AGFG1: variants seen among roughly 807,000 people sequenced by gnomAD.
The protein encoded by AGFG1 is arf-GAP domain and FG repeat-containing protein 1.
In AGFG1, 10 loss-of-function variants were observed where a neutral mutation model predicts 60.6. That is an observed-to-expected ratio of 0.16 (90% CI 0.10 to 0.28). The LOEUF is 0.28. Among genes scored for constraint, AGFG1 ranks in the 10% least tolerant of loss-of-function variants. The probability of loss-of-function intolerance (pLI) is 1.00; values close to 1 mark genes in which losing one functional copy is unlikely to be tolerated. For missense variants in AGFG1, 537 were observed against 676.5 expected, an observed-to-expected ratio of 0.79 and a Z score of 2.29; for synonymous variants, 247 against 242.9, an observed-to-expected ratio of 1.02 and a Z score of -0.16.
rs1693055794 is a variant in AGFG1 at position 227,558,926 on chromosome 2, T to C, written c.*4431T>C. The C allele has an allele frequency of 6.6e-6, 1 of 152,216 alleles. No individual in the cohort carries two copies. The highest frequency in any genetic ancestry group is 1.5e-5 in the Non-Finnish European group (1 of 68,040). The allele number at this position is 152,216 out of a possible 1,614,324, so 9.4% of individuals were successfully genotyped here. On this transcript the variant is annotated 3_prime_UTR_variant, in exon 13 of 13. Coordinates refer to ENST00000310078, the MANE Select transcript of AGFG1 (RefSeq NM_004504.5). ...AAGGACATACAATTCCACAACTCAT[T>C]AATTAAATGTATTGGTCATTTGATG...
At chr2:227,481,469 C>A (rs911286259) in intron 1 of AGFG1, among the ~76,000 whole-genome samples, 2 of 152,152 alleles carry the variant, frequency 1.3e-5, no homozygotes, top group Non-Finnish European at 2.9e-5. Context: ...TATCCAGTTC[C>A]TTCAGTAAAT....
chr2:227,512,448 T>C (rs1337850312), intron 2 of AGFG1, among the ~76,000 whole-genome samples: 1 of 152,182 alleles, frequency 6.6e-6, no homozygotes, highest in Admixed American at 6.5e-5. Flanking sequence ...GTCAAAGTAA[T>C]GTAGGCTGGA....
chr2:227,474,732 C>T (rs760347831), intron 1 of AGFG1, among the ~76,000 whole-genome samples: 3 of 152,168 alleles, frequency 2.0e-5, no homozygotes, highest in Admixed American at 6.5e-5. Flanking sequence ...GGAGTTGATG[C>T]CTGAGCAAAG....
chr2:227,539,599 TA>T (rs1234739997), intron 10 of AGFG1, among the ~76,000 whole-genome samples: 1 of 151,382 alleles, frequency 6.6e-6, no homozygotes, highest in Non-Finnish European at 1.5e-5. Context: ...CTACAAAAAA[TA>T]AATGGTGGCA....
chr2:227,509,659 A>G (rs2106192939), intron 2 of AGFG1, among the ~76,000 whole-genome samples: 1 of 152,230 alleles, frequency 6.6e-6, no homozygotes, highest in South Asian at 2.1e-4. Context: ...AGACTTGGTA[A>G]AGGGTATGTG....
At position 227,556,934 on chromosome 2, in the gene AGFG1, A is replaced by G. The variant is rs981938869; in HGVS notation, c.*2439A>G. ...GGGGATAGAGTGAGATCCCATCTCT[A>G]AAAAATGAAAAAAAGAAGAGAGGTA... On this transcript the variant is annotated 3_prime_UTR_variant, in exon 13 of 13. Coordinates refer to ENST00000310078, the MANE Select transcript of AGFG1 (RefSeq NM_004504.5). 2.6e-5 allele frequency: 4 copies of G among 152,168 alleles called. No individual in the cohort carries two copies. Among genetic ancestry groups the G allele is most frequent in the African/African-American group, 9.7e-5 (4 of 41,446 alleles). 9.4% of individuals were successfully genotyped at this position (152,168 alleles called of 1,614,324 possible). A position where few individuals can be genotyped will look rare whatever the true frequency, so the allele number is the denominator to read the frequency against.
chr2:227,472,559 C>T lies in AGFG1; in HGVS notation c.138C>T (p.Ser46=), dbSNP rs749499571. ...GPTYVNMTVG[S]FVCTSCSGSL... is the part of the protein sequence containing the mutation. ...CCTACGTTAACATGACGGTCGGCTC[C>T]TTCGTGTGTACCTCCTGCTCCGGCA... The change falls in exon 1 of 13, where the codon TCC becomes TCT. Residue 46 remains serine, a synonymous_variant. Transcript: ENST00000310078. 8.2e-6 allele frequency: 13 copies of T among 1,580,896 alleles called. No homozygotes were observed. The highest frequency in any genetic ancestry group is 1.1e-5 in the South Asian group (1 of 89,358).
chr2:227,514,368 T>C (rs1691590460), intron 2 of AGFG1, among the ~76,000 whole-genome samples: 1 of 152,116 alleles, frequency 6.6e-6, no homozygotes, highest in African/African-American at 2.4e-5. Flanking sequence ...CATGCCACCA[T>C]GCCCGGCTTA....
chr2:227,535,843 A>C (rs1456100581), intron 8 of AGFG1, among the ~76,000 whole-genome samples: 1 of 152,200 alleles, frequency 6.6e-6, no homozygotes, highest in Non-Finnish European at 1.5e-5. Flanking sequence ...ACATTACAGT[A>C]CATCAGGGGT....
chr2:227,473,437 G>T (rs1690181417), intron 1 of AGFG1, among the ~76,000 whole-genome samples: 1 of 152,128 alleles, frequency 6.6e-6, no homozygotes, highest in African/African-American at 2.4e-5. Flanking sequence ...ATCAATACCC[G>T]AGTGCCCTGG....
chr2:227,497,278 G>C (rs1290981716), intron 2 of AGFG1, among the ~76,000 whole-genome samples: 1 of 151,202 alleles, frequency 6.6e-6, no homozygotes, highest in East Asian at 2.0e-4. Context: ...AAGATGTATA[G>C]AACTCTTAAC....
chr2:227,508,688 A>ATTTTTTTTTTTTTTTTTTTTT, intron 2 of AGFG1: 1 of 394,370 alleles, frequency 2.5e-6, no homozygotes. Context: ...CACTGTTGGG[A>ATTTTTTTTTTTTTTTTTTTTT]TTTTTTTTTT....
At chr2:227,549,968 T>C in intron 10 of AGFG1, 1 of 402,210 alleles carries the variant, frequency 2.5e-6, no homozygotes, top group Non-Finnish European at 5.1e-6. Context: ...ACTCGAATTT[T>C]ATAACTTTTT....
intron 2 of AGFG1, among the ~76,000 whole-genome samples, chr2:227,498,701 T>G (rs1691056827): frequency 6.6e-6 from 1 of 152,246 alleles, no homozygotes; most frequent in South Asian, 2.1e-4. Flanking sequence ...GTTGAACATA[T>G]CATAATCCGT....
chr2:227,512,454 C>T (rs1691522414), intron 2 of AGFG1, among the ~76,000 whole-genome samples: 2 of 152,128 alleles, frequency 1.3e-5, no homozygotes, highest in African/African-American at 4.8e-5. Context: ...GTAATGTAGG[C>T]TGGATCCGTG....
chr2:227,516,840 G>A (rs886575395), intron 2 of AGFG1, among the ~76,000 whole-genome samples: 2 of 152,110 alleles, frequency 1.3e-5, no homozygotes, highest in African/African-American at 2.4e-5. Context: ...ATCAAATACA[G>A]TCAATAGTTT....
At chr2:227,538,655 G>A (rs1303913277) in intron 10 of AGFG1, among the ~76,000 whole-genome samples, 1 of 152,134 alleles carries the variant, frequency 6.6e-6, no homozygotes, top group Non-Finnish European at 1.5e-5. Flanking sequence ...ACCCTGTATG[G>A]TCTTTGCGTT....
At chr2:227,476,994 C>T (rs1401682352) in intron 1 of AGFG1, among the ~76,000 whole-genome samples, 16 of 151,544 alleles carry the variant, frequency 1.1e-4, no homozygotes, top group East Asian at 3.9e-4. Context: ...CTCTGTCTCC[C>T]GGGTTCAAGC....
intron 2 of AGFG1, among the ~76,000 whole-genome samples, chr2:227,513,962 G>A (rs1312839992): frequency 1.3e-5 from 2 of 152,182 alleles, no homozygotes; most frequent in Admixed American, 6.5e-5. Context: ...CACATGCTCC[G>A]TGATTCTACT....
Sources: gnomAD v4.1 joint callset for allele counts (sites outside exome capture counted in the v4.1 genomes callset) on GRCh38, gnomAD v4.1.1 for gene constraint, MANE v1.5 for transcripts, NCBI Gene and HGNC (gene_info 2026-07-23, HGNC 2026-07-21) for gene names.